Variants in RBFOX1 observed in about 807,000 individuals in gnomAD.
RBFOX1 encodes RNA binding fox-1 homolog 1, also known as RNA binding protein fox-1 homolog 1.
Under a neutral mutation model 57.7 loss-of-function variants are expected in RBFOX1, and 8 were observed. That is an observed-to-expected ratio of 0.14 (90% CI 0.08 to 0.25). The LOEUF is 0.25. Among genes scored for constraint, RBFOX1 ranks in the 10% least tolerant of loss-of-function variants. The pLI is 1.00. For synonymous variants in RBFOX1, 326 were observed against 222.4 expected (o/e 1.47, Z -4.15); for missense variants, 611 against 548.5 (o/e 1.11, Z -1.14).
At chr16:5,453,035 C>G (rs753590500) in intron 1 of RBFOX1, among the ~76,000 whole-genome samples, 10 of 152,210 alleles carry the variant, frequency 6.6e-5, no homozygotes, top group African/African-American at 1.2e-4. Flanking sequence ...TATTGGGACT[C>G]TGTTTACCTC....
intron 3 of RBFOX1, among the ~76,000 whole-genome samples, chr16:5,618,511 G>C (rs1262745129): frequency 6.6e-6 from 1 of 152,058 alleles, no homozygotes; most frequent in Non-Finnish European, 1.5e-5. Context: ...CTAATTTTTT[G>C]TATTTTTAGT....
At chr16:6,729,817 C>T (rs1400319856) in intron 3 of RBFOX1, among the ~76,000 whole-genome samples, 1 of 152,100 alleles carries the variant, frequency 6.6e-6, no homozygotes, top group Non-Finnish European at 1.5e-5. Context: ...AGAGATATTT[C>T]TCCTGGTAAA....
intron 1 of RBFOX1, among the ~76,000 whole-genome samples, chr16:5,407,713 T>C (rs1010777392): frequency 1.3e-5 from 2 of 152,190 alleles, no homozygotes; most frequent in African/African-American, 4.8e-5. Context: ...CACGCTGGGC[T>C]AATTTTTGTG....
At chr16:7,173,572 A>C (rs2081117221) in intron 4 of RBFOX1, among the ~76,000 whole-genome samples, 3 of 152,216 alleles carry the variant, frequency 2.0e-5, no homozygotes, top group South Asian at 2.1e-4. Flanking sequence ...TCTCAATTAC[A>C]GTAGTGCATA....
At chr16:6,431,696 C>T (rs1309704120) in intron 2 of RBFOX1, among the ~76,000 whole-genome samples, 1 of 152,028 alleles carries the variant, frequency 6.6e-6, no homozygotes, top group Non-Finnish European at 1.5e-5. Context: ...GGGAAGCCAG[C>T]CATCACAGGA....
chr16:6,242,402 A>AT (rs948788643), intron 1 of RBFOX1, among the ~76,000 whole-genome samples: 7 of 151,204 alleles, frequency 4.6e-5, no homozygotes, highest in African/African-American at 2.4e-5. Context: ...ATTTTATTTT[A>AT]TTTTTTTGTG....
chr16:6,595,347 T>A (rs1237320155), intron 2 of RBFOX1, among the ~76,000 whole-genome samples: 2 of 152,210 alleles, frequency 1.3e-5, no homozygotes, highest in Admixed American at 6.5e-5. Flanking sequence ...TTACTAAGCA[T>A]AATGTTTTCA....
intron 3 of RBFOX1, among the ~76,000 whole-genome samples, chr16:6,873,692 C>G (rs1239327169): frequency 6.6e-6 from 1 of 152,152 alleles, no homozygotes; most frequent in Non-Finnish European, 1.5e-5. Flanking sequence ...TTTATGGCAT[C>G]ATGATTGTCA....
chr16:5,954,271 A>C (rs910517102), intron 4 of RBFOX1, among the ~76,000 whole-genome samples: 8 of 151,844 alleles, frequency 5.3e-5, no homozygotes, highest in African/African-American at 1.4e-4. Context: ...ACCCCCACCC[A>C]CCCACCTCTG....
chr16:5,624,266 C>G (rs1224509623), intron 3 of RBFOX1, among the ~76,000 whole-genome samples: 2 of 152,184 alleles, frequency 1.3e-5, no homozygotes, highest in Admixed American at 1.3e-4. Context: ...GTGATCTAGG[C>G]TCACTGCAAG....
At chr16:6,755,281 G>T (rs565676909) in intron 3 of RBFOX1, among the ~76,000 whole-genome samples, 34 of 152,102 alleles carry the variant, frequency 2.2e-4, no homozygotes, top group Non-Finnish European at 5.0e-4. Flanking sequence ...TCGCCACACC[G>T]ACTTCCACAA....
intron 3 of RBFOX1, among the ~76,000 whole-genome samples, chr16:5,727,121 G>C (rs2052181380): frequency 6.6e-6 from 1 of 152,106 alleles, no homozygotes; most frequent in African/African-American, 2.4e-5. Flanking sequence ...ACAAAAATTA[G>C]CTGGGTGTTC....
chr16:6,633,172 G>A (rs1433008488), intron 2 of RBFOX1, among the ~76,000 whole-genome samples: 1 of 152,138 alleles, frequency 6.6e-6, no homozygotes, highest in Admixed American at 6.5e-5. Flanking sequence ...ATCTTAGCAG[G>A]GCAGGTCAGA....
chr16:6,897,853 T>C (rs2067339431), intron 3 of RBFOX1, among the ~76,000 whole-genome samples: 1 of 152,138 alleles, frequency 6.6e-6, no homozygotes, highest in South Asian at 2.1e-4. Flanking sequence ...GTTTCTGAGC[T>C]TATCATCCAT....
chr16:6,165,810 T>TG (rs2096912885), intron 1 of RBFOX1, among the ~76,000 whole-genome samples: 1 of 152,354 alleles, frequency 6.6e-6, no homozygotes, highest in Admixed American at 6.5e-5. Context: ...CTGAGCTGTC[T>TG]GATCACTCAA....
At chr16:6,711,751 T>A (rs1156683877) in intron 3 of RBFOX1, among the ~76,000 whole-genome samples, 1 of 152,174 alleles carries the variant, frequency 6.6e-6, no homozygotes, top group Non-Finnish European at 1.5e-5. Context: ...ACTGAGCCCA[T>A]CCTGTCTCAC....
chr16:7,406,754 G>A (rs1226019102), intron 4 of RBFOX1, among the ~76,000 whole-genome samples: 1 of 152,134 alleles, frequency 6.6e-6, no homozygotes, highest in Non-Finnish European at 1.5e-5. Flanking sequence ...GACTCTCTTA[G>A]CGTTCCAGAG....
chr16:5,245,247 C>G (rs2062268310), intron 1 of RBFOX1, among the ~76,000 whole-genome samples: 3 of 152,074 alleles, frequency 2.0e-5, no homozygotes, highest in African/African-American at 2.4e-5. Context: ...ACGGACCTAT[C>G]AGGTACTGGA....
chr16:6,888,814 A>G (rs775362136), intron 3 of RBFOX1, among the ~76,000 whole-genome samples: 5 of 152,184 alleles, frequency 3.3e-5, no homozygotes, highest in Non-Finnish European at 7.3e-5. Flanking sequence ...ACCAAACATT[A>G]GATCTTATTG....
Sources: gnomAD v4.1 joint callset for allele counts (sites outside exome capture counted in the v4.1 genomes callset) on GRCh38, gnomAD v4.1.1 for gene constraint, MANE v1.5 for transcripts, NCBI Gene and HGNC (gene_info 2026-07-23, HGNC 2026-07-21) for gene names.